PKNOX2: variants seen among roughly 807,000 people sequenced by gnomAD.
PKNOX2 encodes the protein homeobox protein PKNOX2.
Under a neutral mutation model 53.1 loss-of-function variants are expected in PKNOX2, and 14 were observed. That is an observed-to-expected ratio of 0.26 (90% confidence interval 0.17 to 0.41). The LOEUF is 0.41. PKNOX2 is among the 10% of genes least tolerant of loss of function. PKNOX2 has a pLI of 1.00. For synonymous variants in PKNOX2, 257 were observed against 242.8 expected (o/e 1.06, Z -0.54); for missense variants, 496 against 602.8 (o/e 0.82, Z 1.85).
intron 5 of PKNOX2, among the ~76,000 whole-genome samples, chr11:125,369,551 T>C (rs745612364): frequency 1.3e-5 from 2 of 152,198 alleles, no homozygotes; most frequent in Non-Finnish European, 2.9e-5. Context: ...CAGGCACCGA[T>C]AGACGTACAA....
chr11:125,201,197 C>T (rs1219113297), intron 1 of PKNOX2, among the ~76,000 whole-genome samples: 1 of 152,126 alleles, frequency 6.6e-6, no homozygotes, highest in Non-Finnish European at 1.5e-5. Flanking sequence ...GGCCATTCTA[C>T]CCCCAAGAGG....
chr11:125,365,151 A>G (rs1952122402), intron 4 of PKNOX2, among the ~76,000 whole-genome samples: 1 of 151,874 alleles, frequency 6.6e-6, no homozygotes, highest in South Asian at 2.1e-4. Flanking sequence ...TCCCCTTCTC[A>G]CCCACCCCCC....
Position 125,312,634 on chromosome 11 carries a change from C to A in PKNOX2, c.-129-19185C>A, listed in dbSNP as rs528810720. On this transcript the variant is annotated intron_variant, in intron 2 of 12. Transcript: ENST00000298282. ...CCACCGCACCCTGCCTGCCACCCCC[C>A]GAGTGTCACGCACGGCAGGCACTCT... 1.1e-4 allele frequency among the ~76,000 whole-genome samples: 16 copies of A among 152,284 alleles called. 1 individual carries two copies. In the South Asian group the frequency reaches 3.1e-3, roughly 30 times the overall value.
At chr11:125,169,889 A>G (rs552782628) in intron 1 of PKNOX2, among the ~76,000 whole-genome samples, 1 of 152,294 alleles carries the variant, frequency 6.6e-6, no homozygotes, top group African/African-American at 2.4e-5. Context: ...AACCATCTAC[A>G]CTTTACCAAG....
intron 7 of PKNOX2, 133 bp downstream of exon 7, chr11:125,398,195 C>T (rs1385553916): frequency 1.2e-6 from 1 of 822,402 alleles, no homozygotes; most frequent in Middle Eastern, 3.6e-4. Flanking sequence ...TGAGGGCCCT[C>T]CTCTGATGCA....
At chr11:125,226,921 G>A (rs1053238773) in intron 1 of PKNOX2, among the ~76,000 whole-genome samples, 5 of 151,824 alleles carry the variant, frequency 3.3e-5, no homozygotes, top group East Asian at 1.9e-4. Context: ...ACTTCTCCCC[G>A]CTGGGGCTGG....
intron 1 of PKNOX2, among the ~76,000 whole-genome samples, chr11:125,209,778 A>G (rs1256401367): frequency 6.6e-6 from 1 of 151,954 alleles, no homozygotes; most frequent in Non-Finnish European, 1.5e-5. Context: ...CGCCTCTCCC[A>G]AGGCCCTGAA....
intron 10 of PKNOX2, among the ~76,000 whole-genome samples, chr11:125,414,582 T>C (rs1165573560): frequency 6.6e-6 from 1 of 152,124 alleles, no homozygotes; most frequent in African/African-American, 2.4e-5. Context: ...GCCATGCACA[T>C]GTGGACACAC....
intron 7 of PKNOX2, among the ~76,000 whole-genome samples, chr11:125,407,369 T>C (rs1431391513): frequency 2.0e-5 from 3 of 152,212 alleles, no homozygotes; most frequent in Non-Finnish European, 2.9e-5. Flanking sequence ...TGTGTGTTGG[T>C]TGAATCCCAA....
intron 2 of PKNOX2, among the ~76,000 whole-genome samples, chr11:125,287,472 T>C (rs531184297): frequency 3.3e-5 from 5 of 152,312 alleles, no homozygotes; most frequent in African/African-American, 9.6e-5. Context: ...AAGGCCCTTA[T>C]GGAAACAGAG....
At position 125,352,014 on chromosome 11, in the gene PKNOX2, C is replaced by T. The variant is rs987256730; in HGVS notation, c.87+622C>T. Among the ~76,000 whole-genome samples, 12 of 152,148 alleles carry T rather than the reference C, an allele frequency of 7.9e-5. No individual in the cohort carries two copies. The highest frequency in any genetic ancestry group is 6.5e-5 in the Admixed American group (1 of 15,278). On this transcript the variant is annotated intron_variant, in intron 4 of 12. Coordinates refer to ENST00000298282, the MANE Select transcript of PKNOX2 (RefSeq NM_001382323.2). The surrounding 1 kb of genome is among the most constrained non-coding windows in gnomAD (Gnocchi z 4.1). ...CCCCCAAGATCTTCTGCGCTCCCCA[C>T]CCCGATTGCCTCTCCTGCAACATGC...
chr11:125,252,047 C>T (rs1309060461), intron 2 of PKNOX2, among the ~76,000 whole-genome samples: 2 of 152,096 alleles, frequency 1.3e-5, no homozygotes, highest in South Asian at 2.1e-4. Flanking sequence ...TAAGCAGGCA[C>T]CTCTAGCACA....
At chr11:125,313,176 G>A (rs757299863) in intron 2 of PKNOX2, among the ~76,000 whole-genome samples, 1 of 152,144 alleles carries the variant, frequency 6.6e-6, no homozygotes, top group Non-Finnish European at 1.5e-5. Flanking sequence ...GAGAAGTCGA[G>A]GGCACCCCCA....
At chr11:125,277,070 T>C (rs2135823584) in intron 2 of PKNOX2, among the ~76,000 whole-genome samples, 1 of 152,092 alleles carries the variant, frequency 6.6e-6, no homozygotes, top group Admixed American at 6.5e-5. Context: ...TGAAGTAGGA[T>C]TGGAGAATTG....
At chr11:125,248,626 CAT>C (rs1331114038) in intron 2 of PKNOX2, among the ~76,000 whole-genome samples, 1 of 148,498 alleles carries the variant, frequency 6.7e-6, no homozygotes, top group Non-Finnish European at 1.5e-5. Flanking sequence ...ATATATAAGA[CAT>C]ATATACAACA....
At chr11:125,180,107 C>T (rs1956069965) in intron 1 of PKNOX2, among the ~76,000 whole-genome samples, 1 of 152,162 alleles carries the variant, frequency 6.6e-6, no homozygotes, top group Admixed American at 6.5e-5. Context: ...GTGTACTGGT[C>T]CTTCTGCCCG....
At chr11:125,187,300 G>A (rs614573) in intron 1 of PKNOX2, among the ~76,000 whole-genome samples, 38,292 of 151,814 alleles carry the variant, frequency 0.25, 5,071 homozygotes, top group Admixed American at 0.34. Context: ...TTGTTTGTTA[G>A]ATGTATTGAC....
At chr11:125,180,341 T>C (rs185379317) in intron 1 of PKNOX2, among the ~76,000 whole-genome samples, 3 of 152,318 alleles carry the variant, frequency 2.0e-5, no homozygotes, top group Admixed American at 1.3e-4. Context: ...GAATAGTACT[T>C]GGCTGTAGTA....
At chr11:125,384,952 T>C (rs1291267101) in intron 5 of PKNOX2, among the ~76,000 whole-genome samples, 2 of 152,204 alleles carry the variant, frequency 1.3e-5, no homozygotes, top group East Asian at 3.9e-4. Context: ...TGCATCATTG[T>C]GTGATGACCT....
Sources: gnomAD v4.1 joint callset for allele counts (sites outside exome capture counted in the v4.1 genomes callset) on GRCh38, gnomAD v4.1.1 for gene constraint, Gnocchi (gnomAD v3.1) non-coding constraint, MANE v1.5 for transcripts, NCBI Gene and HGNC (gene_info 2026-07-23, HGNC 2026-07-21) for gene names.